CACNA2D3: variants seen among roughly 807,000 people sequenced by gnomAD.
CACNA2D3 encodes calcium voltage-gated channel auxiliary subunit alpha2delta 3, also known as voltage-dependent calcium channel subunit alpha-2/delta-3.
A neutral mutation model predicts 160.6 loss-of-function variants in CACNA2D3; 60 were observed. The observed-to-expected ratio is 0.37, with a 90% CI of 0.30 to 0.46. CACNA2D3 has a LOEUF of 0.46. CACNA2D3 is among the 20% of genes least tolerant of loss of function. The pLI, the probability that CACNA2D3 is intolerant of heterozygous loss-of-function variation, is 1.00. For synonymous variants in CACNA2D3, 558 were observed against 492.9 expected (o/e 1.13, Z -1.75); for missense variants, 1,205 against 1,365.0 (o/e 0.88, Z 1.85).
At chr3:54,365,238 G>A (rs759932686) in intron 3 of CACNA2D3, among the ~76,000 whole-genome samples, 2 of 152,216 alleles carry the variant, frequency 1.3e-5, no homozygotes, top group Non-Finnish European at 2.9e-5. Flanking sequence ...AGACAATTCA[G>A]TGACTTCTGG....
chr3:54,772,606 G>A (rs2107114856), intron 13 of CACNA2D3, among the ~76,000 whole-genome samples: 1 of 151,954 alleles, frequency 6.6e-6, no homozygotes, highest in East Asian at 1.9e-4. Flanking sequence ...TTGTTTTCCT[G>A]GTGAAATCCA....
chr3:54,743,414 G>A lies in CACNA2D3; in HGVS notation c.1168-9185G>A, dbSNP rs950746020. Reference sequence around the variant, plus strand: ...GAGAGGTGGACTGAAAGTCTAGAAAGCCAGAAGGAGTTGGTCCAGAAGGAG... The same window carrying A: ...GAGAGGTGGACTGAAAGTCTAGAAAACCAGAAGGAGTTGGTCCAGAAGGAG... On this transcript the variant is annotated intron_variant, in intron 11 of 37. Transcript: ENST00000474759. 2.0e-5 allele frequency among the ~76,000 whole-genome samples: 3 copies of A among 152,176 alleles called. No individual in the cohort carries two copies. In the East Asian group the frequency reaches 5.8e-4, roughly 29 times the overall value.
chr3:54,162,014 T>C (rs1020436803), intron 2 of CACNA2D3, among the ~76,000 whole-genome samples: 1 of 152,144 alleles, frequency 6.6e-6, no homozygotes, highest in African/African-American at 2.4e-5. Context: ...GCTCGGGTCA[T>C]GGGCAGTGCT....
chr3:54,411,648 A>C (rs1028454336), intron 4 of CACNA2D3, among the ~76,000 whole-genome samples: 11 of 152,242 alleles, frequency 7.2e-5, no homozygotes, highest in Non-Finnish European at 1.5e-4. Context: ...GTGTACTGAG[A>C]AACAAAAAAA....
chr3:54,681,962 C>T (rs1032853519), intron 11 of CACNA2D3, among the ~76,000 whole-genome samples: 1 of 152,054 alleles, frequency 6.6e-6, no homozygotes, highest in Non-Finnish European at 1.5e-5. Context: ...GGATTACAGG[C>T]GTTGAGTCAC....
intron 35 of CACNA2D3, among the ~76,000 whole-genome samples, chr3:55,045,957 T>A (rs1704069682): frequency 6.6e-6 from 1 of 152,046 alleles, no homozygotes; most frequent in African/African-American, 2.4e-5. Flanking sequence ...TTTTCTAGTT[T>A]CTTATAGTAG....
chr3:54,578,493 C>T (rs967250531), intron 8 of CACNA2D3, among the ~76,000 whole-genome samples: 6 of 152,236 alleles, frequency 3.9e-5, no homozygotes, highest in South Asian at 2.1e-4. Context: ...GGGTCCCCCT[C>T]GGGAGGAGCC....
chr3:54,649,978 A>T (rs1472368125), intron 11 of CACNA2D3, among the ~76,000 whole-genome samples: 3 of 152,232 alleles, frequency 2.0e-5, no homozygotes, highest in East Asian at 3.9e-4. Flanking sequence ...AAATAATGAC[A>T]TACTGCCTAG....
chr3:54,933,051 CCCTTCCTT>C (rs60554563), intron 27 of CACNA2D3, among the ~76,000 whole-genome samples: 12,086 of 139,224 alleles, frequency 0.087, 647 homozygotes, highest in Non-Finnish European at 0.11. Flanking sequence ...ATCCATCCCT[CCCTTCCTT>C]CCTTCCTTCC....
chr3:54,631,682 G>A (rs1012730236), intron 10 of CACNA2D3, among the ~76,000 whole-genome samples: 6 of 152,134 alleles, frequency 3.9e-5, no homozygotes, highest in Admixed American at 3.3e-4. Context: ...ATGACTTAAA[G>A]GCTTGCAGTT....
chr3:54,602,497 CAAAAAAAAAAAA>C (rs1156290031), intron 9 of CACNA2D3, among the ~76,000 whole-genome samples: 43 of 71,190 alleles, frequency 6.0e-4, no homozygotes, highest in African/African-American at 2.1e-3. Context: ...GATTCCATCT[CAAAAAAAAAAAA>C]AAAAAAAAAA....
intron 4 of CACNA2D3, among the ~76,000 whole-genome samples, chr3:54,404,884 CAA>C (rs909721417): frequency 1.1e-4 from 16 of 151,648 alleles, no homozygotes; most frequent in African/African-American, 3.9e-4. Flanking sequence ...AAAAATAAAA[CAA>C]GATGAAATAC....
chr3:54,646,873 G>A (rs1699663505), intron 11 of CACNA2D3, among the ~76,000 whole-genome samples: 1 of 152,098 alleles, frequency 6.6e-6, no homozygotes, highest in Non-Finnish European at 1.5e-5. Flanking sequence ...TACACTCCTG[G>A]GTGGGCCTTA....
chr3:55,039,360 T>C (rs1703909902), intron 35 of CACNA2D3, among the ~76,000 whole-genome samples: 2 of 152,120 alleles, frequency 1.3e-5, no homozygotes, highest in African/African-American at 2.4e-5. Context: ...AAAATTCTGA[T>C]TTGATGCACA....
chr3:55,051,009 AT>A (rs1025265228), intron 35 of CACNA2D3, among the ~76,000 whole-genome samples: 21 of 144,128 alleles, frequency 1.5e-4, no homozygotes, highest in Middle Eastern at 3.5e-3. Flanking sequence ...ATTCTTCTAA[AT>A]TTTTTTCAAA....
At chr3:54,676,509 G>A (rs1700247567) in intron 11 of CACNA2D3, among the ~76,000 whole-genome samples, 2 of 152,054 alleles carry the variant, frequency 1.3e-5, no homozygotes, top group African/African-American at 4.8e-5. Flanking sequence ...TGTGTGCTGG[G>A]CCCCTACCTG....
chr3:54,790,765 C>T (rs528621399), intron 13 of CACNA2D3, among the ~76,000 whole-genome samples: 2 of 152,170 alleles, frequency 1.3e-5, no homozygotes, highest in Non-Finnish European at 2.9e-5. Flanking sequence ...CCCCTAGTGA[C>T]TCACTGAGCT....
At chr3:54,581,748 A>G in intron 8 of CACNA2D3, 55 bp from the exon 9 acceptor site, 1 of 1,402,542 alleles carries the variant, frequency 7.1e-7, no homozygotes. Context: ...AATTATTAAG[A>G]AGTACCCTTC....
chr3:54,413,398 C>G (rs548619900), intron 4 of CACNA2D3, among the ~76,000 whole-genome samples: 1 of 143,226 alleles, frequency 7.0e-6, no homozygotes, highest in Admixed American at 7.0e-5. Flanking sequence ...ATATATATAT[C>G]TATATATATC....
Sources: allele counts gnomAD v4.1 joint callset (sites outside exome capture counted in the v4.1 genomes callset), GRCh38; gene constraint gnomAD v4.1.1; transcripts MANE v1.5; gene names NCBI Gene and HGNC (gene_info 2026-07-23, HGNC 2026-07-21).